Variants in ZNF831 observed in about 807,000 individuals in gnomAD.
ZNF831 encodes the protein zinc finger protein 831, also known as chromosome 20 open reading frame 174.
A neutral mutation model predicts 95.8 loss-of-function variants in ZNF831; 59 were observed. The observed-to-expected ratio is 0.62, with a 90% CI of 0.50 to 0.77. The LOEUF is 0.77. Ranked by LOEUF, ZNF831 falls within the 30% of genes least tolerant of loss-of-function variation. ZNF831 has a pLI of 0.00. For synonymous variants in ZNF831, 961 were observed against 925.5 expected, an observed-to-expected ratio of 1.04 and a Z score of -0.70; for missense variants, 2,205 against 2,164.0, an observed-to-expected ratio of 1.02 and a Z score of -0.38.
At chr20:59,232,215 G>A (rs950353862) in intron 4 of ZNF831, among the ~76,000 whole-genome samples, 2 of 151,920 alleles carry the variant, frequency 1.3e-5, no homozygotes, top group Non-Finnish European at 2.9e-5. Context: ...ATTTCTTCTT[G>A]GAAATACCTT....
chr20:59,133,932 G>A (rs903547360), intron 1 of ZNF831, among the ~76,000 whole-genome samples: 3 of 152,214 alleles, frequency 2.0e-5, no homozygotes, highest in East Asian at 1.9e-4. Context: ...CAGTGCCGTG[G>A]GATAAGACGA....
chr20:59,126,056 C>T (rs148647590), intron 1 of ZNF831, among the ~76,000 whole-genome samples: 2 of 152,304 alleles, frequency 1.3e-5, no homozygotes, highest in East Asian at 1.9e-4. Flanking sequence ...CTTATGCAAA[C>T]GTCCCCGGCT....
At position 59,124,602 on chromosome 20, in the gene ZNF831, C is replaced by T. The variant is rs527626367; in HGVS notation, c.-1425+1097C>T. ...AGACGCCTCCGTGGGTACAGCATGT[C>T]CAGGATCGTTGCTGTCTGTTGCTGG... is the stretch of plus-strand genomic sequence containing the variant. On this transcript the variant is annotated intron_variant, in intron 1 of 7. Transcript: ENST00000637017. Among the ~76,000 whole-genome samples the T allele has an allele frequency of 3.3e-5, 5 of 152,286 alleles. No homozygotes were observed. The East Asian group carries it at 7.7e-4, about 24-fold the overall frequency.
rs775247254 is a variant in ZNF831, at chr20:59,195,834, G to A, written c.3739-35G>A. ...GAGTTTTCTTCATCATGAGGACTTT[G>A]AGTAATGTGATGCCAACATGCTTGG... On this transcript the variant is annotated intron_variant, in intron 2 of 5. Coordinates refer to ENST00000371030, the MANE Select transcript of ZNF831 (RefSeq NM_178457.3). 22 of 1,598,974 alleles carry A rather than the reference G, an allele frequency of 1.4e-5. No homozygotes were observed. In the East Asian group the frequency reaches 4.5e-4, roughly 33 times the overall value.
Position 59,192,011 on chromosome 20 carries a change from C to G in ZNF831, c.992C>G (p.Ala331Gly), listed in dbSNP as rs757969550. 1 of 1,607,902 alleles carries G rather than the reference C, an allele frequency of 6.2e-7. No individual in the cohort carries two copies. Among genetic ancestry groups the G allele is most frequent in the African/African-American group, 1.3e-5 (1 of 74,784 alleles). Residue 331 changes from alanine to glycine, a missense_variant, in exon 2 of 6, where the codon GCC becomes GGC. Ala to Gly is a moderately conservative substitution (Grantham distance 60, BLOSUM62 0). Coordinates refer to ENST00000371030, the MANE Select transcript of ZNF831 (RefSeq NM_178457.3). The surrounding 1 kb of genome is among the most constrained non-coding windows in gnomAD (Gnocchi z 5.2). Reference protein sequence around the residue: ...TAAEKPWDAKAPEGRLRKCES... With the variant: ...TAAEKPWDAKGPEGRLRKCES... Reference sequence around the variant, plus strand: ...GCGGAGAAGCCCTGGGATGCCAAGGCCCCCGAGGGCCGGCTGCGGAAGTGT... The same window carrying G: ...GCGGAGAAGCCCTGGGATGCCAAGGGCCCCGAGGGCCGGCTGCGGAAGTGT...
chr20:59,198,107 A>G (rs1984256228), intron 3 of ZNF831, among the ~76,000 whole-genome samples: 1 of 152,108 alleles, frequency 6.6e-6, no homozygotes, highest in African/African-American at 2.4e-5. Context: ...TGGTGCCCAC[A>G]CCTGGAGGTG....
Position 59,194,245 on chromosome 20 carries a change from C to T in ZNF831, c.3226C>T (p.His1076Tyr), listed in dbSNP as rs1284883123. 2 of 1,613,880 alleles carry T rather than the reference C, an allele frequency of 1.2e-6. No homozygotes were observed. The highest frequency in any genetic ancestry group is 1.3e-5 in the African/African-American group (1 of 74,952). ...QDMEGDSHRIHRLCMGSTLAR... is the reference protein window; with the variant it reads ...QDMEGDSHRIYRLCMGSTLAR... ...CATGGAGGGTGACAGCCACCGTATC[C>T]ATCGCCTCTGCATGGGCAGCACTTT... is the stretch of plus-strand genomic sequence containing the variant. Residue 1076 changes from histidine to tyrosine, a missense_variant, in exon 2 of 6, where the codon CAT becomes TAT. His to Tyr is a moderately conservative substitution (Grantham distance 83). Transcript: ENST00000371030.
chr20:59,141,712 C>T (rs1040457694), intron 1 of ZNF831, among the ~76,000 whole-genome samples: 2 of 152,174 alleles, frequency 1.3e-5, no homozygotes, highest in African/African-American at 2.4e-5. Context: ...TTTGCCTTTC[C>T]ATGTAAATTT....
chr20:59,183,425 A>T (rs543466720), intron 1 of ZNF831, among the ~76,000 whole-genome samples: 60 of 152,270 alleles, frequency 3.9e-4, no homozygotes, highest in Admixed American at 3.9e-3. Flanking sequence ...GGACCATACC[A>T]CTCAGGTGTG....
At chr20:59,176,203 G>A (rs1281312647) in intron 1 of ZNF831, among the ~76,000 whole-genome samples, 1 of 152,206 alleles carries the variant, frequency 6.6e-6, no homozygotes, top group African/African-American at 2.4e-5. Context: ...TGTCCTGAAT[G>A]AAAGAAGCTG....
intron 4 of ZNF831, among the ~76,000 whole-genome samples, chr20:59,244,159 A>G (rs1003457882): frequency 4.8e-5 from 7 of 144,458 alleles, no homozygotes; most frequent in Admixed American, 7.1e-5. Flanking sequence ...AATGAGAACC[A>G]TAGAGAAAAG....
chr20:59,240,703 G>A (rs868147940), intron 4 of ZNF831, among the ~76,000 whole-genome samples: 45 of 152,300 alleles, frequency 3.0e-4, no homozygotes, highest in African/African-American at 9.9e-4. Context: ...TCCGGAGGCT[G>A]AGGCAGGAGA....
rs563546023 is a variant in ZNF831, at chr20:59,194,406, G to T, written c.3387G>T (p.Gln1129His). The T allele has an allele frequency of 2.2e-5, 35 of 1,610,486 alleles. No homozygotes were observed. The highest frequency in any genetic ancestry group is 2.9e-5 in the Non-Finnish European group (34 of 1,178,446). Residue 1129 changes from glutamine (Q) to histidine (H), a missense_variant, in exon 2 of 6, where the codon CAG (glutamine) becomes CAT (histidine). Transcript: ENST00000371030. The part of the protein sequence containing the change: ...LVGPDPCSPL[Q>H]PGSFLTALTR... ...GCCCCGACCCGTGTTCCCCCCTCCA[G>T]CCTGGCTCCTTCCTCACTGCCCTCA...
At chr20:59,150,889 G>T (rs1487476612) in intron 2 of ZNF831, among the ~76,000 whole-genome samples, 1 of 152,242 alleles carries the variant, frequency 6.6e-6, no homozygotes, top group Non-Finnish European at 1.5e-5. Context: ...GGCCGTGCCA[G>T]CTTCAGAGGA....
At position 59,192,633 on chromosome 20, in the gene ZNF831, CCCAGCCCGCCTG is replaced by C; in HGVS notation, c.1615_1626del (p.Pro539_Leu542del). 6.7e-7 allele frequency: 1 copy of C among 1,499,702 alleles called. No individual in the cohort carries two copies. The highest frequency in any genetic ancestry group is 1.4e-5 in the African/African-American group (1 of 71,532). 92.9% of individuals were successfully genotyped at this position (1,499,702 alleles called of 1,614,324 possible). On this transcript the variant is annotated inframe_deletion, in exon 2 of 6. Transcript: ENST00000371030. This position sits in a 1 kb window ranked among gnomAD's most constrained non-coding sequence, Gnocchi z 5.2. ...AGAAGCCTCTGAGCCCCAGGCCCGG[CCCAGCCCGCCTG>C]GGCTGCCGCTCGGGACTAAGCTCGA...
chr20:59,128,256 TATGGTAA>T (rs1979240214), intron 1 of ZNF831, among the ~76,000 whole-genome samples: 3 of 152,174 alleles, frequency 2.0e-5, no homozygotes, highest in African/African-American at 7.2e-5. Context: ...TATAATTACA[TATGGTAA>T]AATGTACAGA....
At chr20:59,165,043 T>C (rs1363983958) in intron 1 of ZNF831, among the ~76,000 whole-genome samples, 1 of 152,194 alleles carries the variant, frequency 6.6e-6, no homozygotes, top group East Asian at 1.9e-4. Context: ...AGAGCAAGTA[T>C]TTAGGACCAT....
chr20:59,157,258 T>G (rs1189945442), intron 2 of ZNF831, among the ~76,000 whole-genome samples: 2 of 152,296 alleles, frequency 1.3e-5, no homozygotes, highest in East Asian at 3.9e-4. Flanking sequence ...TTGTTTTAAT[T>G]TTTACCTCCC....
chr20:59,173,703 C>T (rs1009441657), intron 1 of ZNF831, among the ~76,000 whole-genome samples: 12 of 152,160 alleles, frequency 7.9e-5, no homozygotes, highest in Admixed American at 1.3e-4. Context: ...AAAAGCACAA[C>T]CACACTAGTC....
Sources: allele counts gnomAD v4.1 joint callset (sites outside exome capture counted in the v4.1 genomes callset), GRCh38; gene constraint gnomAD v4.1.1; non-coding constraint Gnocchi (gnomAD v3.1); transcripts MANE v1.5; gene names NCBI Gene and HGNC (gene_info 2026-07-23, HGNC 2026-07-21).